ZDHHC14: variants seen among roughly 807,000 people sequenced by gnomAD.
ZDHHC14 encodes the protein zDHHC palmitoyltransferase 14, also known as palmitoyltransferase ZDHHC14.
In ZDHHC14, 16 loss-of-function variants were observed where a neutral mutation model predicts 47.7. The observed-to-expected ratio is 0.34, with a 90% CI of 0.23 to 0.51. The LOEUF is 0.51. Among genes scored for constraint, ZDHHC14 ranks in the 20% least tolerant of loss-of-function variants. The pLI is 0.97. For synonymous variants in ZDHHC14, 293 were observed against 278.9 expected, an observed-to-expected ratio of 1.05 and a Z score of -0.50; for missense variants, 515 against 662.5, an observed-to-expected ratio of 0.78 and a Z score of 2.44.
At chr6:157,461,774 G>A (rs1243116757) in intron 1 of ZDHHC14, among the ~76,000 whole-genome samples, 1 of 152,196 alleles carries the variant, frequency 6.6e-6, no homozygotes, top group Non-Finnish European at 1.5e-5. Context: ...CCCTGTGGGG[G>A]ACGCCAGTTC....
At chr6:157,643,968 G>A (rs1228352945) in intron 5 of ZDHHC14, among the ~76,000 whole-genome samples, 1 of 151,960 alleles carries the variant, frequency 6.6e-6, no homozygotes, top group Admixed American at 6.6e-5. Flanking sequence ...AATAAATCTG[G>A]TTCTGTTCTT....
chr6:157,388,602 A>C (rs975738720), intron 1 of ZDHHC14, among the ~76,000 whole-genome samples: 1 of 152,222 alleles, frequency 6.6e-6, no homozygotes, highest in African/African-American at 2.4e-5. Flanking sequence ...GTTCATTCAG[A>C]TAAGGGTTGG....
intron 2 of ZDHHC14, among the ~76,000 whole-genome samples, chr6:157,575,910 GTT>G (rs2114865232): frequency 6.6e-6 from 1 of 152,362 alleles, no homozygotes; most frequent in Admixed American, 6.5e-5. Context: ...GGAACACCAT[GTT>G]TCTTTCATTC....
At chr6:157,526,081 C>T (rs1428918786) in intron 1 of ZDHHC14, among the ~76,000 whole-genome samples, 1 of 152,196 alleles carries the variant, frequency 6.6e-6, no homozygotes, top group Admixed American at 6.5e-5. Context: ...TAAACCAAAA[C>T]AAGAAACAGC....
chr6:157,534,612 A>T (rs2114789648), intron 1 of ZDHHC14, among the ~76,000 whole-genome samples: 1 of 150,424 alleles, frequency 6.6e-6, no homozygotes, highest in African/African-American at 2.4e-5. Context: ...TTTTTGAGAC[A>T]GGGTCTGGCT....
At chr6:157,642,224 C>T (rs1777290706) in intron 5 of ZDHHC14, among the ~76,000 whole-genome samples, 1 of 152,218 alleles carries the variant, frequency 6.6e-6, no homozygotes, top group Non-Finnish European at 1.5e-5. Flanking sequence ...TGATCTCTCA[C>T]CTTTTGTGAT....
intron 1 of ZDHHC14, among the ~76,000 whole-genome samples, chr6:157,429,436 T>C (rs941726435): frequency 1.3e-5 from 2 of 152,188 alleles, no homozygotes; most frequent in African/African-American, 2.4e-5. Context: ...CTGCCCTAGA[T>C]GGATGGTAAG....
At position 157,470,810 on chromosome 6, in the gene ZDHHC14, T is replaced by C. The variant is rs241582; in HGVS notation, c.246-71775T>C. ...AGCTCATGAACCCAGTGGAAGAAAC[T>C]GGGCAAGAGATAAGTTTAAGTGTTT... On this transcript the variant is annotated intron_variant, in intron 1 of 8. Transcript: ENST00000359775. 3.7e-3 allele frequency among the ~76,000 whole-genome samples: 571 copies of C among 152,312 alleles called. 5 individuals carry two copies. The South Asian group carries it at 0.048, about 13-fold the overall frequency.
rs1294615284 is a variant in ZDHHC14 at position 157,567,488 on chromosome 6, G to C, written c.406+24743G>C. Among the ~76,000 whole-genome samples the C allele has an allele frequency of 7.9e-5, 12 of 152,288 alleles. No individual in the cohort carries two copies. In the East Asian group the frequency reaches 2.3e-3, roughly 29 times the overall value. On this transcript the variant is annotated intron_variant, in intron 2 of 8. Transcript: ENST00000359775. ...TGTGACCTTCAACCTGGAGGTCCAT[G>C]ACAACTGAAAAACAGATCACAACTT...
In ZDHHC14 at chr6:157,672,771, T is replaced by C. The variant is rs900164123; in HGVS notation, c.1116T>C (p.Ala372=). 6.2e-7 allele frequency: 1 copy of C among 1,612,746 alleles called. No homozygotes were observed. ...AGAGCACCAAATTCGTTTTGCAGGC[T>C]GCAGCCACGCCCCTGCTGCAGAGCG... ...CIQSTKFVLQ[A]AATPLLQSEP... is the part of the protein sequence containing the mutation. The change falls in exon 9 of 9, where the codon GCT becomes GCC. Residue 372 remains alanine (A), a synonymous_variant. Coordinates refer to ENST00000359775, the MANE Select transcript of ZDHHC14 (RefSeq NM_024630.3).
At chr6:157,619,225 T>TA (rs751645044) in intron 3 of ZDHHC14, among the ~76,000 whole-genome samples, 4,930 of 141,620 alleles carry the variant, frequency 0.035, 277 homozygotes, top group African/African-American at 0.12. Flanking sequence ...TACTAAAAAT[T>TA]AAAAAAAAAA....
At position 157,391,241 on chromosome 6, in the gene ZDHHC14, G is replaced by T. The variant is rs145034804; in HGVS notation, c.245+8975G>T. 4.3e-4 allele frequency among the ~76,000 whole-genome samples: 66 copies of T among 152,220 alleles called. 1 individual carries two copies. The East Asian group carries it at 0.011, about 26-fold the overall frequency. On this transcript the variant is annotated intron_variant, in intron 1 of 8. Transcript: ENST00000359775. ...ATTTCTGTTTTTCAGCCTGACTGCC[G>T]GCTTTTTGGGTCACTGGGGAGTTGT...
intron 3 of ZDHHC14, among the ~76,000 whole-genome samples, chr6:157,624,322 A>G (rs1785317294): frequency 6.6e-6 from 1 of 152,202 alleles, no homozygotes; most frequent in Non-Finnish European, 1.5e-5. Flanking sequence ...ATGGGCCACC[A>G]TGTGAGGTCT....
At chr6:157,424,928 C>T (rs1778186658) in intron 1 of ZDHHC14, among the ~76,000 whole-genome samples, 1 of 152,142 alleles carries the variant, frequency 6.6e-6, no homozygotes, top group East Asian at 1.9e-4. Flanking sequence ...CGCCAGCCCG[C>T]CCACTCTCAC....
chr6:157,466,160 A>T (rs1388768286), intron 1 of ZDHHC14, among the ~76,000 whole-genome samples: 1 of 152,152 alleles, frequency 6.6e-6, no homozygotes, highest in Non-Finnish European at 1.5e-5. Context: ...GAGCGCACTC[A>T]TGCTTCTCTA....
chr6:157,588,020 C>T (rs941583080), intron 2 of ZDHHC14, among the ~76,000 whole-genome samples: 11 of 152,084 alleles, frequency 7.2e-5, no homozygotes, highest in Non-Finnish European at 1.3e-4. Context: ...TTTAGGAGGC[C>T]AAGGCAGGCG....
chr6:157,459,162 C>T (rs1013909213), intron 1 of ZDHHC14, among the ~76,000 whole-genome samples: 4 of 152,080 alleles, frequency 2.6e-5, no homozygotes, highest in East Asian at 3.9e-4. Flanking sequence ...TGTATTACAT[C>T]GTAGATAAAT....
intron 2 of ZDHHC14, among the ~76,000 whole-genome samples, chr6:157,581,113 A>AT (rs1783503929): frequency 6.6e-6 from 1 of 152,018 alleles, no homozygotes; most frequent in African/African-American, 2.4e-5. Context: ...AGATTCTGGT[A>AT]TGTTGGATCT....
chr6:157,520,730 C>T (rs937793498), intron 1 of ZDHHC14, among the ~76,000 whole-genome samples: 1 of 152,112 alleles, frequency 6.6e-6, no homozygotes, highest in Non-Finnish European at 1.5e-5. Flanking sequence ...GATAACAACC[C>T]AGTAGTCACC....
Sources: allele counts gnomAD v4.1 joint callset (sites outside exome capture counted in the v4.1 genomes callset), GRCh38; gene constraint gnomAD v4.1.1; transcripts MANE v1.5; gene names NCBI Gene and HGNC (gene_info 2026-07-23, HGNC 2026-07-21).